Variants in GGCX observed in about 807,000 individuals in gnomAD.
GGCX encodes the protein gamma-glutamyl carboxylase, also known as vitamin K-dependent gamma-carboxylase.
A neutral mutation model predicts 88.5 loss-of-function variants in GGCX; 63 were observed. The ratio of observed to expected loss-of-function variants is 0.71; its 90% CI spans 0.58 to 0.88. GGCX has a LOEUF of 0.88. Among genes scored for constraint, GGCX ranks in the 40% least tolerant of loss-of-function variants. The pLI, the probability that GGCX is intolerant of heterozygous loss-of-function variation, is 0.00. For missense variants in GGCX, 805 were observed against 932.9 expected, an observed-to-expected ratio of 0.86 and a Z score of 1.79; for synonymous variants, 368 against 365.8, an observed-to-expected ratio of 1.01 and a Z score of -0.07.
chr2:85,551,196 C>G (rs1021337690), intron 12 of GGCX, 124 bp from the exon 13 acceptor site: 20 of 977,572 alleles, frequency 2.0e-5, no homozygotes, highest in Non-Finnish European at 2.7e-5. Flanking sequence ...AGTAACGGAC[C>G]TCTAGAATCC....
intron 3 of GGCX, 42 bp downstream of exon 3, chr2:85,558,875 G>A: frequency 3.8e-6 from 6 of 1,577,632 alleles, no homozygotes; most frequent in Non-Finnish European, 5.2e-6. Context: ...CTATTTCTGT[G>A]TTTCTGGCAG....
intron 4 of GGCX, among the ~76,000 whole-genome samples, chr2:85,557,770 A>G (rs1482847356): frequency 6.6e-6 from 1 of 152,194 alleles, no homozygotes; most frequent in African/African-American, 2.4e-5. Context: ...AAAAAGAAAA[A>G]TAAATAAAAC....
rs758998960 is a variant in GGCX at position 85,553,373 on chromosome 2, CTGAGGGGCTGCCT to C, written c.1001_1013del (p.Lys334SerfsTer64). 5 of 1,614,216 alleles carry C rather than the reference CTGAGGGGCTGCCT, an allele frequency of 3.1e-6. No homozygotes were observed. In the South Asian group the frequency reaches 5.5e-5, roughly 18 times the overall value. On this transcript the variant is annotated frameshift_variant, in exon 8 of 15. Coordinates refer to ENST00000233838, the MANE Select transcript of GGCX (RefSeq NM_000821.7). LOFTEE classifies it high-confidence loss of function. ...TCTTATACACACAGGAAACACTGGGCTGAGGGGCTGCCTTGAGGGGCAACAGTTGTTGCAACCT... is the reference window on the plus strand; with the variant it reads ...TCTTATACACACAGGAAACACTGGGCTGAGGGGCAACAGTTGTTGCAACCT...
At position 85,547,079 on chromosome 2, in the gene GGCX, TTAA is replaced by T. The variant is rs1471421583; in HGVS notation, c.*2852_*2854del. 1.3e-5 allele frequency: 2 copies of T among 152,068 alleles called. No homozygotes were observed. Among genetic ancestry groups the T allele is most frequent in the Admixed American group, 1.3e-4 (2 of 15,258 alleles). The allele number at this position is 152,068 out of a possible 1,614,324, so 9.4% of individuals were successfully genotyped here. A position where few individuals can be genotyped will look rare whatever the true frequency, so the allele number is the denominator to read the frequency against. ...GCCTAGGGGAAAAGTATCCTGAAGG[TTAA>T]TAAGGTGGTGGAGGAACATTAGGCC... is the stretch of plus-strand genomic sequence containing the variant. On this transcript the variant is annotated 3_prime_UTR_variant, in exon 15 of 15. Transcript: ENST00000233838.
At position 85,561,377 on chromosome 2, in the gene GGCX, T is replaced by G; in HGVS notation, c.43+9A>C. On this transcript the variant is annotated intron_variant, in intron 1 of 14. Transcript: ENST00000233838. ...AACTCTCCGCCGGAGGGCGGGGTCCTAAGCCTACCTGAGCTGGGCGAGGTC... is the reference window on the plus strand; with the variant it reads ...AACTCTCCGCCGGAGGGCGGGGTCCGAAGCCTACCTGAGCTGGGCGAGGTC... 6.6e-7 allele frequency: 1 copy of G among 1,522,366 alleles called. No individual in the cohort carries two copies. Among genetic ancestry groups the G allele is most frequent in the Non-Finnish European group, 8.9e-7 (1 of 1,126,444 alleles). 94.3% of individuals were successfully genotyped at this position (1,522,366 alleles called of 1,614,324 possible).
In GGCX at chr2:85,561,459, CT is replaced by C. The variant is rs551550869; in HGVS notation, c.-32del. 3.2e-5 allele frequency: 49 copies of C among 1,534,192 alleles called. No homozygotes were observed. In the African/African-American group the frequency reaches 6.1e-4, roughly 19 times the overall value. On this transcript the variant is annotated 5_prime_UTR_variant, in exon 1 of 15. Coordinates refer to ENST00000233838, the MANE Select transcript of GGCX (RefSeq NM_000821.7). ...TGCGGAGGAGGCAGGTGGGTCACAG[CT>C]GCCGCGTCTGAACGGAGGCCGCCAG...
Position 85,547,735 on chromosome 2 carries a change from C to G in GGCX, c.*2199G>C, listed in dbSNP as rs1691745431. The G allele has an allele frequency of 6.6e-6, 1 of 152,180 alleles. No homozygotes were observed. The highest frequency in any genetic ancestry group is 2.4e-5 in the African/African-American group (1 of 41,422). The allele number at this position is 152,180 out of a possible 1,614,324, so 9.4% of individuals were successfully genotyped here. On this transcript the variant is annotated 3_prime_UTR_variant, in exon 15 of 15. Transcript: ENST00000233838. ...GACCCTGTGCCACAGCCATTGCTTG[C>G]CCATATAATACCTTGAATGAATTAG...
At chr2:85,556,828 A>C (rs540729251) in intron 4 of GGCX, among the ~76,000 whole-genome samples, 47 of 152,332 alleles carry the variant, frequency 3.1e-4, no homozygotes, top group Non-Finnish European at 5.9e-4. Context: ...AAGAAGTAGA[A>C]GCTGGGAAAG....
intron 1 of GGCX, 91 bp from the exon 2 acceptor site, chr2:85,561,076 C>T (rs1692428564): frequency 8.7e-7 from 1 of 1,154,658 alleles, no homozygotes; most frequent in African/African-American, 1.5e-5. Flanking sequence ...AGAGCTTCCG[C>T]CCACCCGGGT....
At chr2:85,556,293 G>A in intron 4 of GGCX, 33 bp from the exon 5 acceptor site, 2 of 1,299,860 alleles carry the variant, frequency 1.5e-6, no homozygotes, top group Non-Finnish European at 2.2e-6. Context: ...TGAGGGGGGA[G>A]CTGCTTAATG....
chr2:85,558,693 A>G (rs763766926), intron 3 of GGCX, 88 bp from the exon 4 acceptor site: 2 of 1,081,240 alleles, frequency 1.8e-6, no homozygotes, highest in Admixed American at 1.7e-5. Flanking sequence ...AATTAAGAAA[A>G]ATCAAGCATT....
At chr2:85,555,789 G>A (rs1401962446) in intron 5 of GGCX, among the ~76,000 whole-genome samples, 199 bp from the exon 6 acceptor site, 2 of 152,080 alleles carry the variant, frequency 1.3e-5, no homozygotes, top group Non-Finnish European at 2.9e-5. Flanking sequence ...ATACTGATCT[G>A]AGTCCAGGGC....
chr2:85,551,674 C>G lies in GGCX; in HGVS notation c.1610-64G>C, dbSNP rs566828705. The stretch of plus-strand genomic sequence containing the variant: ...AGAGTGAACTCACTCCCAGCCAGAA[C>G]AGAGACATCACACCTTTACCACCAT... On this transcript the variant is annotated intron_variant, in intron 11 of 14. Transcript: ENST00000233838. 1.1e-5 allele frequency: 18 copies of G among 1,598,344 alleles called. 1 individual carries two copies. The South Asian group carries it at 1.9e-4, about 17-fold the overall frequency.
intron 2 of GGCX, among the ~76,000 whole-genome samples, 180 bp downstream of exon 2, chr2:85,560,635 A>G (rs1462345802): frequency 2.0e-5 from 3 of 152,140 alleles, no homozygotes; most frequent in Non-Finnish European, 2.9e-5. Context: ...CTGGCCACCA[A>G]GTAAATCCTA....
chr2:85,561,406 G>A lies in GGCX; in HGVS notation c.23C>T (p.Ala8Val). The change falls in exon 1 of 15, where the codon GCG becomes GTG. Residue 8 changes from alanine (A) to valine (V), a missense_variant. Around this residue, in one of 3 missense-constraint regions of GGCX, gnomAD observed 64 missense variants for 57.4 expected, o/e 1.12. Coordinates refer to ENST00000233838, the MANE Select transcript of GGCX (RefSeq NM_000821.7). Reference sequence around the variant, plus strand: ...CCTACCTGAGCTGGGCGAGGTCCGCGCGGACCCGGCAGACACCGCCATTGC... The same window carrying A: ...CCTACCTGAGCTGGGCGAGGTCCGCACGGACCCGGCAGACACCGCCATTGC... MAVSAGS[A>V]RTSPSSDKVQ... The A allele has an allele frequency of 1.3e-6, 2 of 1,572,060 alleles. No individual in the cohort carries two copies. Among genetic ancestry groups the A allele is most frequent in the South Asian group, 1.2e-5 (1 of 85,654 alleles).
chr2:85,545,142 T>C lies in GGCX; in HGVS notation c.*4792A>G, dbSNP rs1691594002. 6.6e-6 allele frequency: 1 copy of C among 152,608 alleles called. No individual in the cohort carries two copies. Among genetic ancestry groups the C allele is most frequent in the Admixed American group, 6.5e-5 (1 of 15,282 alleles). The allele number at this position is 152,608 out of a possible 1,614,324, so 9.5% of individuals were successfully genotyped here. A position where few individuals can be genotyped will look rare whatever the true frequency, so the allele number is the denominator to read the frequency against. Reference sequence around the variant, plus strand: ...TGTGGTACAGAGAAGCCAGCTTGTTTACATGCTTATTCCATGACTGCTTGC... The same window carrying C: ...TGTGGTACAGAGAAGCCAGCTTGTTCACATGCTTATTCCATGACTGCTTGC... On this transcript the variant is annotated 3_prime_UTR_variant, in exon 15 of 15. Transcript: ENST00000233838.
rs1157180478 is a variant in GGCX, at chr2:85,545,215, G to A, written c.*4719C>T. 2 of 152,558 alleles carry A rather than the reference G, an allele frequency of 1.3e-5. No individual in the cohort carries two copies. The highest frequency in any genetic ancestry group is 2.9e-5 in the Non-Finnish European group (2 of 68,020). 9.5% of individuals were successfully genotyped at this position (152,558 alleles called of 1,614,324 possible). ...GGATCTATTTTTGGAGGTTTATTAC[G>A]TATGTCTGGTTCTCAATTCCAACAG... On this transcript the variant is annotated 3_prime_UTR_variant, in exon 15 of 15. Transcript: ENST00000233838.
At chr2:85,559,396 A>G (rs1692340136) in intron 2 of GGCX, among the ~76,000 whole-genome samples, 1 of 152,164 alleles carries the variant, frequency 6.6e-6, no homozygotes, top group Non-Finnish European at 1.5e-5. Context: ...AGCTATAAAG[A>G]TCCATCCTAT....
intron 4 of GGCX, among the ~76,000 whole-genome samples, chr2:85,557,097 T>C (rs1288767018): frequency 6.6e-6 from 1 of 152,106 alleles, no homozygotes; most frequent in Non-Finnish European, 1.5e-5. Flanking sequence ...CACCACTGCA[T>C]TCTGGCCTCA....
Sources: allele counts gnomAD v4.1 joint callset (sites outside exome capture counted in the v4.1 genomes callset), GRCh38; gene constraint gnomAD v4.1.1; regional missense constraint gnomAD v4.1.1; transcripts MANE v1.5; gene names NCBI Gene and HGNC (gene_info 2026-07-23, HGNC 2026-07-21).